WNK2: variants seen among roughly 807,000 people sequenced by gnomAD.
WNK2 encodes WNK lysine deficient protein kinase 2.
Under a neutral mutation model 192.1 loss-of-function variants are expected in WNK2, and 67 were observed. That is an observed-to-expected ratio of 0.35 (90% CI 0.29 to 0.43). WNK2 has a LOEUF of 0.43. Among genes scored for constraint, WNK2 ranks in the 20% least tolerant of loss-of-function variants. The pLI, the probability that WNK2 is intolerant of heterozygous loss-of-function variation, is 1.00. For missense variants in WNK2, 2,698 were observed against 3,089.7 expected, an observed-to-expected ratio of 0.87 and a Z score of 3.01; for synonymous variants, 1,439 against 1,393.9, an observed-to-expected ratio of 1.03 and a Z score of -0.72.
At chr9:93,292,209 C>G in intron 21 of WNK2, 99 bp from the exon 22 acceptor site, 1 of 1,260,892 alleles carries the variant, frequency 7.9e-7, no homozygotes, top group Non-Finnish European at 1.2e-6. Flanking sequence ...TCTGGAGGCA[C>G]TCCCATGGGA....
In WNK2 at chr9:93,289,244, C is replaced by T. The variant is rs777710522; in HGVS notation, c.4490C>T (p.Ala1497Val). ...GTPQPALGQP[A>V]PLLPAAVGAV... is the part of the protein sequence containing the mutation. ...CCACAGCCCGCCTTGGGTCAACCTG[C>T]TCCCCTGCTTCCTGCCGCAGTGGGG... The change falls in exon 20 of 30, where the codon GCT (alanine) becomes GTT (valine). Residue 1497 changes from alanine (A) to valine (V), a missense_variant. This residue lies in a region of WNK2 where 1,098 missense variants were observed against 1,101.0 expected (regional missense o/e 1.00). Coordinates refer to ENST00000427277, the MANE Select transcript of WNK2 (RefSeq NM_006648.4). 3 of 1,604,682 alleles carry T rather than the reference C, an allele frequency of 1.9e-6. No homozygotes were observed. In the East Asian group the frequency reaches 6.7e-5, roughly 36 times the overall value.
Position 93,247,475 on chromosome 9 carries a change from T to G in WNK2, c.1543-68T>G. The G allele has an allele frequency of 1.3e-6, 2 of 1,529,334 alleles. No individual in the cohort carries two copies. The highest frequency in any genetic ancestry group is 1.8e-6 in the Non-Finnish European group (2 of 1,126,070). 94.7% of individuals were successfully genotyped at this position (1,529,334 alleles called of 1,614,324 possible). A position where few individuals can be genotyped will look rare whatever the true frequency, so the allele number is the denominator to read the frequency against. On this transcript the variant is annotated intron_variant, in intron 7 of 29. Coordinates refer to ENST00000427277, the MANE Select transcript of WNK2 (RefSeq NM_006648.4). This position sits in a 1 kb window ranked among gnomAD's most constrained non-coding sequence, Gnocchi z 5.2. ...GATGAGCCAGTGATGGGAAAGCACT[T>G]TAGGTAAGGGGTGTGGGCCGGTGAG...
intron 28 of WNK2, among the ~76,000 whole-genome samples, chr9:93,314,381 A>C (rs1854225644): frequency 6.6e-6 from 1 of 151,216 alleles, no homozygotes. Flanking sequence ...CCAGGAGGTC[A>C]AGGCTGCAGT....
intron 29 of WNK2, chr9:93,318,635 G>A: frequency 6.3e-7 from 1 of 1,575,320 alleles, no homozygotes; most frequent in Non-Finnish European, 8.6e-7. Flanking sequence ...TCCTCCAGCT[G>A]GAGAGGCTGC....
intron 14 of WNK2, among the ~76,000 whole-genome samples, 163 bp downstream of exon 14, chr9:93,262,882 C>A (rs192228016): frequency 6.6e-5 from 10 of 152,282 alleles, no homozygotes; most frequent in Non-Finnish European, 1.0e-4. Flanking sequence ...TCAGGGCCCT[C>A]CTCTCTGGGT....
chr9:93,306,579 G>A (rs753449247), intron 26 of WNK2, 198 bp from the exon 27 acceptor site: 11 of 632,376 alleles, frequency 1.7e-5, no homozygotes, highest in Non-Finnish European at 3.1e-5. Context: ...TGCCCCCTCG[G>A]CGAAGCTCGT....
intron 7 of WNK2, among the ~76,000 whole-genome samples, chr9:93,243,796 C>T (rs1172793686): frequency 6.6e-6 from 1 of 152,248 alleles, no homozygotes; most frequent in Non-Finnish European, 1.5e-5. Context: ...ACTGGCCTCC[C>T]TGGGGTCCTG....
chr9:93,319,314 A>G lies in WNK2; in HGVS notation c.6629-1053A>G. On this transcript the variant is annotated intron_variant, in intron 29 of 29. Transcript: ENST00000427277. ...GGGAGCCAGTTCTGGGCTCAGCTGC[A>G]TCCACACCTCTGGAGGAGGGTGCTG... 5 of 1,436,594 alleles carry G rather than the reference A, an allele frequency of 3.5e-6. No homozygotes were observed. In the South Asian group the frequency reaches 7.2e-5, roughly 21 times the overall value. The allele number at this position is 1,436,594 out of a possible 1,614,324, so 89.0% of individuals were successfully genotyped here.
At chr9:93,228,944 G>C (rs1052736681) in intron 2 of WNK2, among the ~76,000 whole-genome samples, 4 of 152,162 alleles carry the variant, frequency 2.6e-5, no homozygotes, top group African/African-American at 9.7e-5. Flanking sequence ...CCAGTGCTGA[G>C]TGGTGTTTGA....
Position 93,317,713 on chromosome 9 carries a change from C to T in WNK2, c.6628+82C>T, listed in dbSNP as rs760576260. ...AGAGGCCTGCTCCCAGCTCCAGTGTCCTGGGGGCCCTGGGCAGGCCAGGTG... is the reference window on the plus strand; with the variant it reads ...AGAGGCCTGCTCCCAGCTCCAGTGTTCTGGGGGCCCTGGGCAGGCCAGGTG... On this transcript the variant is annotated intron_variant, in intron 29 of 29. Coordinates refer to ENST00000427277, the MANE Select transcript of WNK2 (RefSeq NM_006648.4). 1.6e-5 allele frequency: 25 copies of T among 1,523,582 alleles called. No homozygotes were observed. In the African/African-American group the frequency reaches 3.0e-4, roughly 18 times the overall value. 94.4% of individuals were successfully genotyped at this position (1,523,582 alleles called of 1,614,324 possible). A position where few individuals can be genotyped will look rare whatever the true frequency, so the allele number is the denominator to read the frequency against.
At chr9:93,297,210 G>C (rs368989280) in intron 23 of WNK2, among the ~76,000 whole-genome samples, 1 of 104,074 alleles carries the variant, frequency 9.6e-6, no homozygotes, top group African/African-American at 3.8e-5. Context: ...CCACCCCTCC[G>C]CATCCTCCCC....
At chr9:93,195,296 G>A (rs796465103) in intron 2 of WNK2, among the ~76,000 whole-genome samples, 5 of 152,306 alleles carry the variant, frequency 3.3e-5, no homozygotes, top group African/African-American at 1.2e-4. Context: ...GTGTGTGGGT[G>A]TGAGGGAGTG....
Position 93,258,110 on chromosome 9 carries a change from T to G in WNK2, c.2383-821T>G, listed in dbSNP as rs943034601. 3.3e-5 allele frequency among the ~76,000 whole-genome samples: 5 copies of G among 152,228 alleles called. No individual in the cohort carries two copies. In the South Asian group the frequency reaches 8.3e-4, roughly 25 times the overall value. ...CAGCTTCAGGGTCTAGTGAAATCGT[T>G]ATCTTGCTCGTTCAGACAGACAGGA... On this transcript the variant is annotated intron_variant, in intron 11 of 29. Transcript: ENST00000427277.
chr9:93,314,006 C>T (rs914093102), intron 28 of WNK2, among the ~76,000 whole-genome samples: 1 of 151,844 alleles, frequency 6.6e-6, no homozygotes, highest in Non-Finnish European at 1.5e-5. Context: ...TGCAGTGGCT[C>T]ACGCTTGTAA....
At chr9:93,288,425 T>C (rs914310746) in intron 19 of WNK2, among the ~76,000 whole-genome samples, 1 of 152,220 alleles carries the variant, frequency 6.6e-6, no homozygotes, top group Admixed American at 6.5e-5. Context: ...TCTGGAGCTG[T>C]CTGTGCGGGT....
rs767953260 is a variant in WNK2 at position 93,268,925 on chromosome 9, A to G, written c.4033+179A>G. On this transcript the variant is annotated intron_variant, in intron 19 of 29. Transcript: ENST00000427277. ...TGTTCCTATCCTTGTTTTCTGCTGA[A>G]TCAGCTCAGTCAAAGCAGCCTCCAG... 7 of 1,556,868 alleles carry G rather than the reference A, an allele frequency of 4.5e-6. No individual in the cohort carries two copies. The East Asian group carries it at 1.7e-4, about 38-fold the overall frequency.
intron 2 of WNK2, among the ~76,000 whole-genome samples, chr9:93,216,619 C>T (rs1487041970): frequency 3.9e-5 from 6 of 152,038 alleles, no homozygotes; most frequent in African/African-American, 1.4e-4. Context: ...GAGTGAGATC[C>T]TGTATCAAAA....
chr9:93,256,615 G>A (rs111738260), intron 10 of WNK2, 161 bp downstream of exon 10: 19 of 849,752 alleles, frequency 2.2e-5, no homozygotes, highest in South Asian at 5.6e-5. Context: ...AGTGACTCTC[G>A]TATGTGCATG....
intron 8 of WNK2, among the ~76,000 whole-genome samples, chr9:93,249,254 T>C (rs1842199505): frequency 6.6e-6 from 1 of 152,234 alleles, no homozygotes; most frequent in South Asian, 2.1e-4. Context: ...TTTCAAACTT[T>C]GAAAAGACAT....
Sources: allele counts gnomAD v4.1 joint callset (sites outside exome capture counted in the v4.1 genomes callset), GRCh38; gene constraint gnomAD v4.1.1; regional missense constraint gnomAD v4.1.1; non-coding constraint Gnocchi (gnomAD v3.1); transcripts MANE v1.5; gene names NCBI Gene and HGNC (gene_info 2026-07-23, HGNC 2026-07-21).